The following KASH5 variants were observed in gnomAD, a reference collection of about 807,000 sequenced individuals.
The protein encoded by KASH5 is protein KASH5.
KASH5 carries 72 observed loss-of-function variants against 84.2 expected under a neutral mutation model. The observed-to-expected ratio is 0.85, with a 90% CI of 0.71 to 1.04. KASH5 has a LOEUF of 1.04. Ranked by LOEUF, KASH5 falls within the 50% of genes least tolerant of loss-of-function variation. The pLI is 0.00. For synonymous variants in KASH5, 260 were observed against 279.1 expected, an observed-to-expected ratio of 0.93 and a Z score of 0.68; for missense variants, 650 against 701.0, an observed-to-expected ratio of 0.93 and a Z score of 0.82.
chr19:49,398,757 C>A (rs1045177306), intron 7 of KASH5, among the ~76,000 whole-genome samples: 3 of 152,110 alleles, frequency 2.0e-5, no homozygotes, highest in Non-Finnish European at 4.4e-5. Context: ...TCATGTTTAT[C>A]GTGGTCTCCC....
At chr19:49,394,620 A>C (rs1246960047) in intron 3 of KASH5, 40 bp downstream of exon 3, 1 of 1,501,962 alleles carries the variant, frequency 6.7e-7, no homozygotes, top group Non-Finnish European at 9.3e-7. Flanking sequence ...CAGTGCGGGC[A>C]GGATGGGGTG....
In KASH5 at chr19:49,414,794, C is replaced by T. The variant is rs1027934789; in HGVS notation, c.1329-157C>T. Among the ~76,000 whole-genome samples, 1 of 150,132 alleles carries T rather than the reference C, an allele frequency of 6.7e-6. No individual in the cohort carries two copies. Among genetic ancestry groups the T allele is most frequent in the Admixed American group, 6.6e-5 (1 of 15,136 alleles). On this transcript the variant is annotated intron_variant, in intron 16 of 19. Transcript: ENST00000447857. The surrounding 1 kb of genome is among the most constrained non-coding windows in gnomAD (Gnocchi z 4.5). Reference sequence around the variant, plus strand: ...GCCCGTCCGTGCTGCCTGGCCTCCCCCAGGCCCGTCCGTGCTGCCTGGCCT... The same window carrying T: ...GCCCGTCCGTGCTGCCTGGCCTCCCTCAGGCCCGTCCGTGCTGCCTGGCCT...
In KASH5 at chr19:49,399,309, C is replaced by A; in HGVS notation, c.748-148C>A. 1.0e-6 allele frequency: 1 copy of A among 957,986 alleles called. No individual in the cohort carries two copies. Among genetic ancestry groups the A allele is most frequent in the Non-Finnish European group, 1.6e-6 (1 of 636,932 alleles). The allele number at this position is 957,986 out of a possible 1,614,324, so 59.3% of individuals were successfully genotyped here. On this transcript the variant is annotated intron_variant, in intron 8 of 19. Coordinates refer to ENST00000447857, the MANE Select transcript of KASH5 (RefSeq NM_144688.5). The surrounding 1 kb of genome is among the most constrained non-coding windows in gnomAD (Gnocchi z 4.4). ...TTTTTCAAGCTTACCTGCCATCCTT[C>A]TCATGACAAAGGAGACAGCAGGAGC...
At chr19:49,413,398 T>C (rs1974789817) in intron 16 of KASH5, among the ~76,000 whole-genome samples, 1 of 152,110 alleles carries the variant, frequency 6.6e-6, no homozygotes, top group Admixed American at 6.5e-5. Flanking sequence ...TGGGATGTGA[T>C]TGTTAGGAGG....
At chr19:49,409,344 C>T (rs1251701143) in intron 14 of KASH5, 61 bp downstream of exon 14, 3 of 1,526,934 alleles carry the variant, frequency 2.0e-6, no homozygotes, top group Non-Finnish European at 9.0e-7. Context: ...CAAACATCTC[C>T]CTACTCTGAT....
chr19:49,404,903 A>G (rs1373856527), intron 9 of KASH5, among the ~76,000 whole-genome samples: 2 of 152,168 alleles, frequency 1.3e-5, no homozygotes, highest in Admixed American at 6.5e-5. Flanking sequence ...ATAAGAAATA[A>G]TGATAGAGGA....
In KASH5 at chr19:49,395,333, C is replaced by T. The variant is rs749637453; in HGVS notation, c.335+41C>T. The T allele has an allele frequency of 6.3e-7, 1 of 1,597,082 alleles. No homozygotes were observed. The highest frequency in any genetic ancestry group is 8.5e-7 in the Non-Finnish European group (1 of 1,171,022). On this transcript the variant is annotated intron_variant, in intron 4 of 19. Transcript: ENST00000447857. This position sits in a 1 kb window ranked among gnomAD's most constrained non-coding sequence, Gnocchi z 4.4. ...TTCATCCTCCTCTGGGAAGTCCTTC[C>T]TAAGATCTAACCTCATACCTGCTTA...
Position 49,413,000 on chromosome 19 carries a change from A to AGAAG in KASH5, c.1313_1316dup (p.Pro440GlyfsTer22). The AGAAG allele has an allele frequency of 1.2e-6, 2 of 1,613,460 alleles. No individual in the cohort carries two copies. Among genetic ancestry groups the AGAAG allele is most frequent in the Non-Finnish European group, 1.7e-6 (2 of 1,179,834 alleles). On this transcript the variant is annotated frameshift_variant, in exon 16 of 20. Transcript: ENST00000447857. LOFTEE classifies it high-confidence loss of function. This position sits in a 1 kb window ranked among gnomAD's most constrained non-coding sequence, Gnocchi z 4.6. ...TCCAGGGAGAGCCAGCGCACCCTGA[A>AGAAG]GAAGGAAGGAAGGAGCCATCCATGT...
At chr19:49,406,201 T>G (rs148650258) in intron 9 of KASH5, among the ~76,000 whole-genome samples, 2,702 of 152,132 alleles carry the variant, frequency 0.018, 35 homozygotes, top group Non-Finnish European at 0.029. Context: ...ATATAATTAT[T>G]GAAGCTGGGT....
chr19:49,394,315 C>T (rs1188113927), intron 2 of KASH5, among the ~76,000 whole-genome samples, 161 bp from the exon 3 acceptor site: 1 of 152,150 alleles, frequency 6.6e-6, no homozygotes, highest in Non-Finnish European at 1.5e-5. Flanking sequence ...CACATTGTTG[C>T]CCCCTCCTGA....
In KASH5 at chr19:49,394,583, G is replaced by C; in HGVS notation, c.148+3G>C. 1 of 1,611,306 alleles carries C rather than the reference G, an allele frequency of 6.2e-7. No individual in the cohort carries two copies. The highest frequency in any genetic ancestry group is 8.5e-7 in the Non-Finnish European group (1 of 1,177,824). ...AGCTTGTGACCCTCAGAGGACAGGT[G>C]GTGGGGGCATGAGGGGTGCTGGGGA... is the stretch of plus-strand genomic sequence containing the variant. On this transcript the variant is annotated splice_donor_region_variant and intron_variant, in intron 3 of 19. Coordinates refer to ENST00000447857, the MANE Select transcript of KASH5 (RefSeq NM_144688.5).
chr19:49,411,356 C>A lies in KASH5; in HGVS notation c.1269+1481C>A, dbSNP rs565248395. On this transcript the variant is annotated intron_variant, in intron 15 of 19. Transcript: ENST00000447857. ...TCTTTGCCATCCTTAAGGAGAGACT[C>A]ATTTCTCTGATCACTTTTTCCCTGG... 9.2e-5 allele frequency among the ~76,000 whole-genome samples: 14 copies of A among 152,228 alleles called. No individual in the cohort carries two copies. The South Asian group carries it at 2.9e-3, about 32-fold the overall frequency.
intron 9 of KASH5, among the ~76,000 whole-genome samples, chr19:49,405,063 A>G (rs1193879102): frequency 6.6e-6 from 1 of 152,222 alleles, no homozygotes; most frequent in Non-Finnish European, 1.5e-5. Context: ...TTACTGTCAG[A>G]TTAAAAGAAG....
intron 9 of KASH5, among the ~76,000 whole-genome samples, chr19:49,400,929 C>T (rs546206439): frequency 1.8e-4 from 27 of 152,260 alleles, no homozygotes; most frequent in African/African-American, 5.1e-4. Flanking sequence ...GTCACCACCC[C>T]CGACCTCAAG....
At chr19:49,391,215 CT>C (rs1973994572) in intron 2 of KASH5, among the ~76,000 whole-genome samples, 1 of 152,132 alleles carries the variant, frequency 6.6e-6, no homozygotes, top group Non-Finnish European at 1.5e-5. Flanking sequence ...GCACTTCTTA[CT>C]TTATGTAAAG....
Position 49,405,104 on chromosome 19 carries a change from C to T in KASH5, c.799-1782C>T, listed in dbSNP as rs891758906. On this transcript the variant is annotated intron_variant, in intron 9 of 19. Transcript: ENST00000447857. ...CATTTCAACCAAAAGCAATGATGGA[C>T]CTTGTTTGGACCCTCAATCAAAGTA... Among the ~76,000 whole-genome samples, 6 of 152,144 alleles carry T rather than the reference C, an allele frequency of 3.9e-5. No homozygotes were observed. The East Asian group carries it at 9.6e-4, about 24-fold the overall frequency.
intron 3 of KASH5, chr19:49,394,868 C>T (rs1354229481): frequency 6.8e-6 from 4 of 590,300 alleles, no homozygotes; most frequent in Non-Finnish European, 1.2e-5. Flanking sequence ...ATGGCTGATG[C>T]TGTCCCTATG....
At position 49,395,738 on chromosome 19, in the gene KASH5, T is replaced by A; in HGVS notation, c.336-31T>A. ...GGTGAGGACTGAGGGGCAGCTACAGTGGGGCGCTAAGCCTCATCCCTTTGA... is the reference window on the plus strand; with the variant it reads ...GGTGAGGACTGAGGGGCAGCTACAGAGGGGCGCTAAGCCTCATCCCTTTGA... On this transcript the variant is annotated intron_variant, in intron 4 of 19. Transcript: ENST00000447857. The surrounding 1 kb of genome is among the most constrained non-coding windows in gnomAD (Gnocchi z 4.4). 1 of 1,549,022 alleles carries A rather than the reference T, an allele frequency of 6.5e-7. No homozygotes were observed. The highest frequency in any genetic ancestry group is 2.4e-5 in the East Asian group (1 of 40,966).
At chr19:49,409,155 G>A in intron 13 of KASH5, 41 bp from the exon 14 acceptor site, 1 of 1,603,972 alleles carries the variant, frequency 6.2e-7, no homozygotes, top group Non-Finnish European at 8.5e-7. Context: ...GTGGCCACCA[G>A]GCACAGAGGC....
Sources: allele counts gnomAD v4.1 joint callset (sites outside exome capture counted in the v4.1 genomes callset), GRCh38; gene constraint gnomAD v4.1.1; non-coding constraint Gnocchi (gnomAD v3.1); transcripts MANE v1.5; gene names NCBI Gene and HGNC (gene_info 2026-07-23, HGNC 2026-07-21).